ADSL: variants seen among roughly 807,000 people sequenced by gnomAD.
ADSL encodes the protein adenylosuccinate lyase, also known as adenylosuccinase.
A neutral mutation model predicts 62.1 loss-of-function variants in ADSL; 44 were observed. The ratio of observed to expected loss-of-function variants is 0.71; its 90% CI spans 0.56 to 0.91. The LOEUF (loss-of-function observed/expected upper bound fraction) is 0.91. Ranked by LOEUF, ADSL falls within the 40% of genes least tolerant of loss-of-function variation. The probability of loss-of-function intolerance (pLI) is 0.00; values close to 1 mark genes in which losing one functional copy is unlikely to be tolerated. For missense variants in ADSL, 531 were observed against 627.4 expected, an observed-to-expected ratio of 0.85 and a Z score of 1.64; for synonymous variants, 198 against 220.5, an observed-to-expected ratio of 0.90 and a Z score of 0.90.
intron 2 of ADSL, among the ~76,000 whole-genome samples, chr22:40,380,054 GTGTC>G (rs2047309585): frequency 6.6e-6 from 1 of 152,090 alleles, no homozygotes; most frequent in African/African-American, 2.4e-5. Context: ...GCCATTTTAT[GTGTC>G]TGTCTGGTCA....
chr22:40,377,624 T>C (rs946222723), intron 2 of ADSL, among the ~76,000 whole-genome samples: 1 of 152,222 alleles, frequency 6.6e-6, no homozygotes, highest in African/African-American at 2.4e-5. Flanking sequence ...TCCATTGGGC[T>C]AAGGAGTTTG....
At chr22:40,361,941 A>T (rs148190708) in intron 9 of ADSL, among the ~76,000 whole-genome samples, 40 of 152,340 alleles carry the variant, frequency 2.6e-4, no homozygotes, top group African/African-American at 9.4e-4. Context: ...GGAGCATTAT[A>T]AAGGCACAAA....
chr22:40,385,660 G>A (rs923136130), intron 2 of ADSL, among the ~76,000 whole-genome samples: 2 of 152,168 alleles, frequency 1.3e-5, no homozygotes, highest in Non-Finnish European at 2.9e-5. Flanking sequence ...CTCAGCTGGG[G>A]GTGAGTGGCA....
rs563154664 is a variant in ADSL, at chr22:40,369,346, C to G, written c.*2824C>G. On this transcript the variant is annotated 3_prime_UTR_variant, in exon 13 of 13. Coordinates refer to ENST00000623063, the MANE Select transcript of ADSL (RefSeq NM_000026.4). ...GTATGCAACTTTGTAATCTGATTTT[C>G]CCATGTAACATTTTAATTTGATGGG... 1 of 151,358 alleles carries G rather than the reference C, an allele frequency of 6.6e-6. No homozygotes were observed. Among genetic ancestry groups the G allele is most frequent in the African/African-American group, 2.4e-5 (1 of 41,218 alleles). 9.4% of individuals were successfully genotyped at this position (151,358 alleles called of 1,614,324 possible).
At chr22:40,362,780 G>C (rs1434754545) in intron 9 of ADSL, among the ~76,000 whole-genome samples, 2 of 152,310 alleles carry the variant, frequency 1.3e-5, no homozygotes, top group East Asian at 3.9e-4. Context: ...GTCTCACTCA[G>C]TAGGTATGAG....
Position 40,366,439 on chromosome 22 carries a change from C to T in ADSL, c.1372C>T (p.Gln458Ter). Residue 458 changes from glutamine (Q) to a stop codon, truncating the protein, a stop_gained, in exon 13 of 13, where the codon CAG (glutamine) becomes TAG (stop). Transcript: ENST00000623063. LOFTEE classifies it high-confidence loss of function. ...SFTGRASQQV[Q>*]RFLEEEVYPL... ...TGTATTTGCTTTCCTCTGGCAGGTGCAGAGATTCTTAGAAGAGGAGGTGTA... is the reference window on the plus strand; with the variant it reads ...TGTATTTGCTTTCCTCTGGCAGGTGTAGAGATTCTTAGAAGAGGAGGTGTA... 6.2e-7 allele frequency: 1 copy of T among 1,609,102 alleles called. No individual in the cohort carries two copies. Among genetic ancestry groups the T allele is most frequent in the Non-Finnish European group, 8.5e-7 (1 of 1,175,564 alleles).
At chr22:40,375,303 G>C (rs1265468426) in intron 2 of ADSL, among the ~76,000 whole-genome samples, 2 of 152,188 alleles carry the variant, frequency 1.3e-5, no homozygotes, top group Non-Finnish European at 2.9e-5. Context: ...TGATAGGCCG[G>C]TTGTGGTGGC....
At chr22:40,372,419 C>T (rs2045766257), downstream of ADSL, among the ~76,000 whole-genome samples, 1 of 152,144 alleles carries the variant, frequency 6.6e-6, no homozygotes, top group African/African-American at 2.4e-5. Context: ...GCCACCGTGC[C>T]TGGCCCTCCC....
At chr22:40,371,462 T>C (rs1335337715), downstream of ADSL, among the ~76,000 whole-genome samples, 1 of 152,202 alleles carries the variant, frequency 6.6e-6, no homozygotes, top group Non-Finnish European at 1.5e-5. Context: ...TCTTATTCTT[T>C]CTTAGTAAAT....
chr22:40,370,929 C>A (rs966371629), downstream of ADSL, among the ~76,000 whole-genome samples: 18 of 152,212 alleles, frequency 1.2e-4, no homozygotes, highest in Admixed American at 2.0e-4. Flanking sequence ...CCGGTGCGGC[C>A]GCCCCTAGAC....
Position 40,346,605 on chromosome 22 carries a change from C to T in ADSL, c.47C>T (p.Pro16Leu), listed in dbSNP as rs541051390. The T allele has an allele frequency of 1.1e-5, 17 of 1,608,832 alleles. No homozygotes were observed. The highest frequency in any genetic ancestry group is 1.7e-5 in the Admixed American group (1 of 59,366). ...DHGSPDSYRS[P>L]LASRYASPEM... ...GGTTCGCCCGACAGCTACCGCTCAC[C>T]TCTTGCCTCCCGCTATGCCAGCCCG... The change falls in exon 1 of 13, where the codon CCT becomes CTT. Residue 16 changes from proline to leucine, a missense_variant. Physicochemically the swap from Pro to Leu is moderately conservative, Grantham distance 98 (BLOSUM62 -3). Transcript: ENST00000623063.
At chr22:40,359,374 A>C in intron 6 of ADSL, 68 bp downstream of exon 6, 1 of 1,511,560 alleles carries the variant, frequency 6.6e-7, no homozygotes, top group Non-Finnish European at 9.2e-7. Flanking sequence ...GTATACCTGC[A>C]GATTTGACCT....
At position 40,363,771 on chromosome 22, in the gene ADSL, C is replaced by G. The variant is rs190100006; in HGVS notation, c.1102-505C>G. ...AAAAAAACCTCTTCCTATGTGGCAA[C>G]TTTTTTTAAGTTAATATTTCCTTTT... On this transcript the variant is annotated intron_variant, in intron 10 of 12. Coordinates refer to ENST00000623063, the MANE Select transcript of ADSL (RefSeq NM_000026.4). 2.2e-3 allele frequency among the ~76,000 whole-genome samples: 338 copies of G among 150,980 alleles called. 1 individual carries two copies. The highest frequency in any genetic ancestry group is 7.9e-3 in the African/African-American group (326 of 41,228).
chr22:40,373,722 TCTC>T (rs1300590051), downstream of ADSL, among the ~76,000 whole-genome samples: 1 of 150,700 alleles, frequency 6.6e-6, no homozygotes, highest in Non-Finnish European at 1.5e-5. Flanking sequence ...TTCAAGCAGT[TCTC>T]CTGCCTCAGC....
At chr22:40,354,067 A>G (rs2044455863) in intron 3 of ADSL, 181 bp from the exon 4 acceptor site, 2 of 650,406 alleles carry the variant, frequency 3.1e-6, no homozygotes, top group Non-Finnish European at 5.5e-6. Flanking sequence ...TCAGTTTTCA[A>G]ATTTTGGTTA....
chr22:40,378,122 T>G (rs76682125), intron 2 of ADSL: 2 of 151,420 alleles, frequency 1.3e-5, no homozygotes, highest in East Asian at 1.9e-4. Flanking sequence ...CTGGGAGGAG[T>G]AATATGGGTT....
intron 3 of ADSL, chr22:40,353,515 C>A: frequency 1.5e-6 from 1 of 662,468 alleles, no homozygotes; most frequent in South Asian, 1.6e-5. Flanking sequence ...AACTCCTGAG[C>A]TCAAGGGATC....
At chr22:40,366,313 C>CT (rs2045004102) in intron 12 of ADSL, 123 bp from the exon 13 acceptor site, 3 of 735,716 alleles carry the variant, frequency 4.1e-6, no homozygotes, top group Non-Finnish European at 7.2e-6. Context: ...GGAAAACAAG[C>CT]TCAGTGTTGG....
intron 2 of ADSL, among the ~76,000 whole-genome samples, chr22:40,384,310 T>C (rs906455459): frequency 1.3e-5 from 2 of 151,940 alleles, no homozygotes; most frequent in South Asian, 4.1e-4. Context: ...TCTGAATGTC[T>C]TGGGAGAAGA....
Sources: gnomAD v4.1 joint callset for allele counts (sites outside exome capture counted in the v4.1 genomes callset) on GRCh38, gnomAD v4.1.1 for gene constraint, MANE v1.5 for transcripts, NCBI Gene and HGNC (gene_info 2026-07-23, HGNC 2026-07-21) for gene names.